F8: variants seen among roughly 807,000 people sequenced by gnomAD.
F8 encodes antihemophilic factor.
In F8, 12 loss-of-function variants were observed where a neutral mutation model predicts 140.6. The observed-to-expected ratio is 0.09, with a 90% CI of 0.05 to 0.14. The LOEUF (loss-of-function observed/expected upper bound fraction) is 0.14, where lower values mean the gene tolerates loss of function less well. Among genes scored for constraint, F8 ranks in the 10% least tolerant of loss-of-function variants. The pLI, the probability that F8 is intolerant of heterozygous loss-of-function variation, is 1.00. For missense variants in F8, 1,354 were observed against 1,720.7 expected (o/e 0.79, Z 3.77); for synonymous variants, 585 against 614.6 (o/e 0.95, Z 0.71).
intron 23 of F8, 54 bp from the exon 24 acceptor site, chrX:154,861,920 A>T: frequency 8.7e-7 from 1 of 1,149,059 alleles, no homozygotes; most frequent in African/African-American, 1.8e-5. Flanking sequence ...AGCCTCAGTT[A>T]TACTGAGCAG....
At chrX:154,839,107 CAAT>C (rs1557271165) in intron 25 of F8, among the ~76,000 whole-genome samples, 1 of 110,265 alleles carries the variant, frequency 9.1e-6, no homozygotes, top group African/African-American at 3.3e-5. Flanking sequence ...AGTTTCTCAA[CAAT>C]GTCAACTCTT....
chrX:154,962,893 C>CGAGAGAGA (rs141726799), intron 9 of F8, among the ~76,000 whole-genome samples: 1 of 95,898 alleles, frequency 1.0e-5, no homozygotes, highest in African/African-American at 3.9e-5. Flanking sequence ...GAGACAGAGA[C>CGAGAGAGA]GAGAGAGAGA....
intron 14 of F8, among the ~76,000 whole-genome samples, chrX:154,921,068 T>C (rs1416962022): frequency 1.8e-5 from 2 of 112,186 alleles, no homozygotes; most frequent in African/African-American, 6.5e-5. Flanking sequence ...AAAATCTTTA[T>C]CACCCCTTCA....
chrX:154,949,037 C>A (rs1353513555), intron 12 of F8, among the ~76,000 whole-genome samples: 1 of 111,710 alleles, frequency 9.0e-6, no homozygotes, highest in Non-Finnish European at 1.9e-5. Context: ...GGAAAAAAAT[C>A]AGCTAGTTGG....
chrX:154,956,789 T>C (rs1404410361), intron 11 of F8, among the ~76,000 whole-genome samples, 168 bp downstream of exon 11: 1 of 112,358 alleles, frequency 8.9e-6, no homozygotes, highest in East Asian at 2.8e-4. Flanking sequence ...GCCTACATTC[T>C]ATGGCCTATC....
At chrX:154,869,449 G>C (rs942317861) in intron 22 of F8, among the ~76,000 whole-genome samples, 15 of 111,249 alleles carry the variant, frequency 1.3e-4, no homozygotes, top group Non-Finnish European at 2.8e-4. Context: ...ATGACTACTG[G>C]GTAAATAATG....
rs1557270902 is a variant in F8, at chrX:154,836,414, AGGGGG to A, written c.*1178_*1182del. On this transcript the variant is annotated 3_prime_UTR_variant, in exon 26 of 26. Transcript: ENST00000360256. ...AATCTTATGGGGGTGGAGGGCAAGA[AGGGGG>A]ATCCTATTGTGTGGTGATATGGCAG... The A allele has an allele frequency of 9.0e-6, 1 of 111,194 alleles. No homozygotes were observed. The highest frequency in any genetic ancestry group is 1.9e-5 in the Non-Finnish European group (1 of 53,026). The allele number at this position is 111,194 out of a possible 1,213,427, so 9.2% of individuals were successfully genotyped here.
At chrX:155,013,517 G>C (rs1441891650) in intron 1 of F8, among the ~76,000 whole-genome samples, 1 of 111,340 alleles carries the variant, frequency 9.0e-6, no homozygotes, top group Non-Finnish European at 1.9e-5. Flanking sequence ...CCAGTCTCGG[G>C]TATGTCCTCA....
In F8 at chrX:154,837,347, C is replaced by T; in HGVS notation, c.*250G>A. The T allele has an allele frequency of 2.6e-6, 1 of 391,080 alleles. No individual in the cohort carries two copies. The highest frequency in any genetic ancestry group is 4.5e-6 in the Non-Finnish European group (1 of 224,089). The allele number at this position is 391,080 out of a possible 1,213,427, so 32.2% of individuals were successfully genotyped here. On this transcript the variant is annotated 3_prime_UTR_variant, in exon 26 of 26. Coordinates refer to ENST00000360256, the MANE Select transcript of F8 (RefSeq NM_000132.4). ...CAGGTTTCTCCTCACTTCTTTTTGC[C>T]TAGTTATATTGGAAGGAAGGAGTAA...
Position 154,928,653 on chromosome X carries a change from T to C in F8, c.5137A>G (p.Lys1713Glu), listed in dbSNP as rs1557278271. Residue 1713 changes from lysine to glutamate, a missense_variant, in exon 14 of 26, where the codon AAA becomes GAA. Physicochemically the swap from Lys to Glu is moderately conservative, Grantham distance 56. Around this residue, in one of 4 missense-constraint regions of F8, gnomAD observed 316 missense variants for 485.4 expected, o/e 0.65. Coordinates refer to ENST00000360256, the MANE Select transcript of F8 (RefSeq NM_000132.4). Reference protein sequence around the residue: ...ENQSPRSFQKKTRHYFIAAVE... With the variant: ...ENQSPRSFQKETRHYFIAAVE... ...GCAGCAATAAAATAGTGTCGTGTTT[T>C]CTTTTGAAAGCTGCGGGGGCTCTGA... The C allele has an allele frequency of 8.3e-7, 1 of 1,208,924 alleles. No individual in the cohort carries two copies. The highest frequency in any genetic ancestry group is 3.0e-5 in the East Asian group (1 of 33,772).
At chrX:154,879,640 T>C (rs1266059934) in intron 22 of F8, among the ~76,000 whole-genome samples, 7 of 112,018 alleles carry the variant, frequency 6.2e-5, no homozygotes, top group Non-Finnish European at 1.1e-4. Flanking sequence ...GGCTAAATTA[T>C]GATGATTGGT....
At chrX:154,979,765 C>T (rs1174818197) in intron 6 of F8, among the ~76,000 whole-genome samples, 1 of 111,966 alleles carries the variant, frequency 8.9e-6, no homozygotes, top group African/African-American at 3.2e-5. Flanking sequence ...TCACGGCCAT[C>T]ATAGCAGGGC....
chrX:154,950,012 G>A (rs1184439443), intron 12 of F8, among the ~76,000 whole-genome samples: 1 of 111,445 alleles, frequency 9.0e-6, no homozygotes, highest in Non-Finnish European at 1.9e-5. Flanking sequence ...TGATCCGCCC[G>A]CCTTGGCCTC....
At chrX:154,841,650 T>C (rs1452253422) in intron 25 of F8, among the ~76,000 whole-genome samples, 1 of 111,367 alleles carries the variant, frequency 9.0e-6, no homozygotes, top group African/African-American at 3.3e-5. Flanking sequence ...GTTTGTTTCA[T>C]CATATTCAAT....
chrX:154,918,900 A>C (rs1557277332), intron 14 of F8: 1 of 108,819 alleles, frequency 9.2e-6, no homozygotes, highest in Non-Finnish European at 1.8e-5. Context: ...GTGATATTCC[A>C]TTCATGTTCA....
intron 11 of F8, among the ~76,000 whole-genome samples, chrX:154,955,015 C>G (rs1334460030): frequency 1.8e-5 from 2 of 110,200 alleles, no homozygotes; most frequent in African/African-American, 6.6e-5. Flanking sequence ...TATTCTGGGG[C>G]CGAGCAATGA....
chrX:154,919,550 C>G, intron 14 of F8: 2 of 696,320 alleles, frequency 2.9e-6, no homozygotes, highest in Non-Finnish European at 4.0e-6. Context: ...GACAATCACT[C>G]AATCCTGGCA....
chrX:154,848,100 G>A (rs182865645), intron 25 of F8, among the ~76,000 whole-genome samples: 92 of 112,756 alleles, frequency 8.2e-4, no homozygotes, highest in African/African-American at 2.7e-3. Flanking sequence ...GCAGAAGAGC[G>A]AATATTGCTG....
chrX:154,918,733 G>C (rs782583537), intron 14 of F8: 3 of 105,045 alleles, frequency 2.9e-5, no homozygotes, highest in South Asian at 4.4e-4. Context: ...TTCTGGAGGA[G>C]AGTGAAGCCA....
Sources: gnomAD v4.1 joint callset for allele counts (sites outside exome capture counted in the v4.1 genomes callset) on GRCh38, gnomAD v4.1.1 for gene constraint, gnomAD v4.1.1 regional missense constraint, MANE v1.5 for transcripts, NCBI Gene and HGNC (gene_info 2026-07-23, HGNC 2026-07-21) for gene names.